The following CR1L variants were observed in gnomAD, a reference collection of about 807,000 sequenced individuals.
CR1L encodes the protein complement C3b/C4b receptor 1 like, also known as complement component receptor 1-like protein.
CR1L carries 59 observed loss-of-function variants against 62.3 expected under a neutral mutation model. The observed-to-expected ratio is 0.95, with a 90% CI of 0.77 to 1.18. The LOEUF (loss-of-function observed/expected upper bound fraction) is 1.18, where lower values mean the gene tolerates loss of function less well. Among genes scored for constraint, CR1L ranks in the 50% most tolerant of loss-of-function variants. The probability of loss-of-function intolerance (pLI) is 0.00; values close to 1 mark genes in which losing one functional copy is unlikely to be tolerated. For synonymous variants in CR1L, 279 were observed against 248.7 expected, an observed-to-expected ratio of 1.12 and a Z score of -1.15; for missense variants, 700 against 702.8, an observed-to-expected ratio of 1.00 and a Z score of 0.04.
intron 1 of CR1L, among the ~76,000 whole-genome samples, chr1:207,668,400 A>T (rs36001492): frequency 0.18 from 27,153 of 151,022 alleles, 3,241 homozygotes; most frequent in Non-Finnish European, 0.26. Flanking sequence ...TATTATATTA[A>T]ATGAAGTAAA....
intron 1 of CR1L, among the ~76,000 whole-genome samples, chr1:207,654,406 C>T (rs552800690): frequency 2.9e-4 from 44 of 152,212 alleles, no homozygotes; most frequent in Middle Eastern, 3.4e-3. Context: ...AAAAGAAGTT[C>T]TAACCTTATT....
At chr1:207,653,675 C>G (rs1270665606) in intron 1 of CR1L, among the ~76,000 whole-genome samples, 1 of 152,188 alleles carries the variant, frequency 6.6e-6, no homozygotes, top group Non-Finnish European at 1.5e-5. Flanking sequence ...CAAGAACAGG[C>G]ACTGAGCACT....
intron 4 of CR1L, among the ~76,000 whole-genome samples, chr1:207,685,346 T>G (rs577133074): frequency 6.6e-6 from 1 of 152,330 alleles, no homozygotes; most frequent in African/African-American, 2.4e-5. Flanking sequence ...TATAAACTAT[T>G]CAAGTCTAGG....
At chr1:207,662,230 C>A (rs1359523775) in intron 1 of CR1L, among the ~76,000 whole-genome samples, 3 of 152,162 alleles carry the variant, frequency 2.0e-5, no homozygotes, top group African/African-American at 7.2e-5. Context: ...TGGATAATAT[C>A]CTGCAGAGTG....
intron 1 of CR1L, among the ~76,000 whole-genome samples, chr1:207,672,490 C>T (rs556366670): frequency 2.6e-5 from 4 of 151,372 alleles, no homozygotes; most frequent in African/African-American, 4.9e-5. Flanking sequence ...GCTGAAGTCT[C>T]TTTATCAGAA....
At chr1:207,693,692 T>C (rs1184707008) in intron 4 of CR1L, among the ~76,000 whole-genome samples, 1 of 152,216 alleles carries the variant, frequency 6.6e-6, no homozygotes, top group Non-Finnish European at 1.5e-5. Context: ...CTCTTGTGTG[T>C]TGTGAAATAT....
chr1:207,675,513 C>T (rs564483313), intron 1 of CR1L, among the ~76,000 whole-genome samples: 39 of 152,214 alleles, frequency 2.6e-4, no homozygotes, highest in African/African-American at 9.2e-4. Context: ...CTTCAGGAAA[C>T]TGAAAAAGGG....
intron 8 of CR1L, among the ~76,000 whole-genome samples, 175 bp from the exon 9 acceptor site, chr1:207,701,344 G>GAC (rs1664187930): frequency 6.6e-6 from 1 of 152,184 alleles, no homozygotes; most frequent in Non-Finnish European, 1.5e-5. Flanking sequence ...TGAAAGTGGG[G>GAC]CTTAGTAGGT....
intron 11 of CR1L, among the ~76,000 whole-genome samples, chr1:207,723,019 A>C (rs1654172911): frequency 6.6e-6 from 1 of 152,240 alleles, no homozygotes; most frequent in South Asian, 2.1e-4. Flanking sequence ...ATGTGAAAAC[A>C]TACCAGAAGA....
At chr1:207,662,450 G>T (rs1452437077) in intron 1 of CR1L, among the ~76,000 whole-genome samples, 3 of 152,122 alleles carry the variant, frequency 2.0e-5, no homozygotes, top group Non-Finnish European at 4.4e-5. Flanking sequence ...AGCTACTGAG[G>T]CTTGTGCATT....
chr1:207,683,477 C>A (rs1663840002), intron 3 of CR1L, among the ~76,000 whole-genome samples: 1 of 152,026 alleles, frequency 6.6e-6, no homozygotes, highest in Non-Finnish European at 1.5e-5. Flanking sequence ...ATCCATGCAT[C>A]CATATATTAA....
At chr1:207,695,114 T>G (rs1664055969) in intron 5 of CR1L, among the ~76,000 whole-genome samples, 1 of 152,078 alleles carries the variant, frequency 6.6e-6, no homozygotes, top group South Asian at 2.1e-4. Context: ...AGTTACCAGT[T>G]TTTCTAGGTT....
At chr1:207,705,733 C>A (rs766463437) in intron 9 of CR1L, among the ~76,000 whole-genome samples, 7 of 151,964 alleles carry the variant, frequency 4.6e-5, no homozygotes, top group Non-Finnish European at 8.8e-5. Flanking sequence ...AACCTCCCTG[C>A]GGCATGAGGC....
In CR1L at chr1:207,697,664, GC is replaced by G; in HGVS notation, c.1029del (p.Arg344AspfsTer4). The G allele has an allele frequency of 6.2e-7, 1 of 1,613,976 alleles. No homozygotes were observed. Among genetic ancestry groups the G allele is most frequent in the Non-Finnish European group, 8.5e-7 (1 of 1,179,872 alleles). On this transcript the variant is annotated frameshift_variant, in exon 6 of 12. Coordinates refer to ENST00000508064, the MANE Select transcript of CR1L (RefSeq NM_175710.2). LOFTEE classifies it high-confidence loss of function. Reference sequence around the variant, plus strand: ...ACCCCAGGGAGACTGGAGCCCTGCAGCCCCCAGATGTGAAGGTGACTAGACT... The same window carrying G: ...ACCCCAGGGAGACTGGAGCCCTGCAGCCCCAGATGTGAAGGTGACTAGACT... ...CTPQGDWSPA[A>X]PRCEVKSCDD...
In CR1L at chr1:207,697,834, T is replaced by A. The variant is rs1558021886; in HGVS notation, c.1103T>A (p.Leu368His). The A allele has an allele frequency of 6.2e-7, 1 of 1,613,988 alleles. No individual in the cohort carries two copies. Among genetic ancestry groups the A allele is most frequent in the African/African-American group, 1.3e-5 (1 of 75,044 alleles). Reference sequence around the variant, plus strand: ...GGCCATGTGCTATTTCCACTTAATCTCCAGCTTGGAGCAAAAGTGGATTTT... The same window carrying A: ...GGCCATGTGCTATTTCCACTTAATCACCAGCTTGGAGCAAAAGTGGATTTT... ...PNGHVLFPLN[L>H]QLGAKVDFVC... The change falls in exon 7 of 12, where the codon CTC becomes CAC. Residue 368 changes from leucine to histidine, a missense_variant. Transcript: ENST00000508064.
intron 10 of CR1L, 59 bp downstream of exon 10, chr1:207,708,322 A>G: frequency 1.3e-6 from 2 of 1,569,914 alleles, no homozygotes; most frequent in Non-Finnish European, 1.7e-6. Context: ...TTGTCCTCCT[A>G]GAATTACAAA....
chr1:207,661,057 A>G lies in CR1L; in HGVS notation c.97+15727A>G, dbSNP rs181550974. 2.2e-3 allele frequency among the ~76,000 whole-genome samples: 331 copies of G among 152,328 alleles called. 3 individuals are homozygous for G. The highest frequency in any genetic ancestry group is 7.3e-3 in the African/African-American group (302 of 41,570). ...TTTTACATTTGCTGTGGAGCGCTTT[A>G]CTTCCAACTATGTGGTCAATTTTGG... On this transcript the variant is annotated intron_variant, in intron 1 of 11. Transcript: ENST00000508064.
rs115026264 is a variant in CR1L, at chr1:207,665,829, C to A, written c.98-11560C>A. The stretch of plus-strand genomic sequence containing the variant: ...AACACACGTAGCCTTTGGAACATAG[C>A]CTTTCTCACCTAGTGGAGGAGGAGC... On this transcript the variant is annotated intron_variant, in intron 1 of 11. Transcript: ENST00000508064. 3.4e-3 allele frequency among the ~76,000 whole-genome samples: 515 copies of A among 152,292 alleles called. 7 individuals carry two copies. Among genetic ancestry groups the A allele is most frequent in the African/African-American group, 0.012 (498 of 41,570 alleles).
chr1:207,676,018 C>G (rs1473499268), intron 1 of CR1L, among the ~76,000 whole-genome samples: 1 of 152,154 alleles, frequency 6.6e-6, no homozygotes, highest in African/African-American at 2.4e-5. Context: ...CCCACTGAAT[C>G]TGAGTGTCCA....
Sources: gnomAD v4.1 joint callset for allele counts (sites outside exome capture counted in the v4.1 genomes callset) on GRCh38, gnomAD v4.1.1 for gene constraint, MANE v1.5 for transcripts, NCBI Gene and HGNC (gene_info 2026-07-23, HGNC 2026-07-21) for gene names.